The following ANKH variants were observed in gnomAD, a reference collection of about 807,000 sequenced individuals.
ANKH encodes the protein mineralization regulator ANKH.
A neutral mutation model predicts 49.0 loss-of-function variants in ANKH; 15 were observed. The observed-to-expected ratio is 0.31, with a 90% CI of 0.20 to 0.47. The LOEUF (loss-of-function observed/expected upper bound fraction) is 0.47. Ranked by LOEUF, ANKH falls within the 20% of genes least tolerant of loss-of-function variation. The pLI is 1.00. For missense variants in ANKH, 429 were observed against 652.0 expected (o/e 0.66, Z 3.72); for synonymous variants, 273 against 260.0 (o/e 1.05, Z -0.48).
At chr5:14,837,841 A>G (rs1354783222) in intron 1 of ANKH, among the ~76,000 whole-genome samples, 1 of 152,250 alleles carries the variant, frequency 6.6e-6, no homozygotes, top group Non-Finnish European at 1.5e-5. Flanking sequence ...TTACTGCGGC[A>G]CTATTCACAA....
intron 1 of ANKH, among the ~76,000 whole-genome samples, chr5:14,847,161 G>A (rs1741987642): frequency 6.6e-6 from 1 of 152,098 alleles, no homozygotes; most frequent in South Asian, 2.1e-4. Flanking sequence ...CACAGTGGCT[G>A]GTTAATGAGA....
At chr5:14,840,212 T>C (rs369069510) in intron 1 of ANKH, among the ~76,000 whole-genome samples, 31 of 152,218 alleles carry the variant, frequency 2.0e-4, no homozygotes, top group South Asian at 4.1e-4. Context: ...CCTCAACAAG[T>C]GAAGTGTCTG....
At chr5:14,762,789 A>G (rs1429720401) in intron 2 of ANKH, among the ~76,000 whole-genome samples, 3 of 152,240 alleles carry the variant, frequency 2.0e-5, no homozygotes, top group Non-Finnish European at 4.4e-5. Flanking sequence ...CATAATTACC[A>G]GGCTAGCTGC....
chr5:14,741,857 G>A lies in ANKH; in HGVS notation c.981C>T (p.Phe327=), dbSNP rs1481547045. The A allele has an allele frequency of 6.2e-7, 1 of 1,614,114 alleles. No homozygotes were observed. The highest frequency in any genetic ancestry group is 1.3e-5 in the African/African-American group (1 of 75,032). The stretch of plus-strand genomic sequence containing the variant: ...GTGACAGAGCCATGCAGACGAAGGT[G>A]AACTTCTTGATGTGGGCTGCCGTGA... ...NTVTAAHIKK[F]TFVCMALSLT... is the part of the protein sequence containing the mutation. The change falls in exon 8 of 12, where the codon TTC becomes TTT. Residue 327 remains phenylalanine (F), a synonymous_variant. Coordinates refer to ENST00000284268, the MANE Select transcript of ANKH (RefSeq NM_054027.6).
At chr5:14,796,130 G>A (rs754347815) in intron 1 of ANKH, among the ~76,000 whole-genome samples, 6 of 150,120 alleles carry the variant, frequency 4.0e-5, no homozygotes, top group Admixed American at 1.3e-4. Flanking sequence ...TTCAGACCTT[G>A]TTTTATTGAG....
rs139351002 is a variant in ANKH, at chr5:14,712,907, G to C, written c.1332C>G (p.Val444=). ...LAGFVGESTM[V]AIAACYVYRK... The stretch of plus-strand genomic sequence containing the variant: ...GGTAGACATAGCACGCAGCGATGGC[G>C]ACCATGGTGGATTCTCCCACAAAGC... Residue 444 remains valine, a synonymous_variant, in exon 11 of 12, where the codon GTC becomes GTG. Coordinates refer to ENST00000284268, the MANE Select transcript of ANKH (RefSeq NM_054027.6). 24 of 1,612,894 alleles carry C rather than the reference G, an allele frequency of 1.5e-5. No homozygotes were observed. In the East Asian group the frequency reaches 5.1e-4, roughly 34 times the overall value.
intron 1 of ANKH, among the ~76,000 whole-genome samples, chr5:14,791,712 CA>C (rs1740172522): frequency 6.6e-6 from 1 of 152,168 alleles, no homozygotes; most frequent in Non-Finnish European, 1.5e-5. Context: ...GCCAGTTTTG[CA>C]TTTTCAAAAG....
At chr5:14,805,318 G>A (rs1740671568) in intron 1 of ANKH, among the ~76,000 whole-genome samples, 1 of 151,288 alleles carries the variant, frequency 6.6e-6, no homozygotes, top group Non-Finnish European at 1.5e-5. Flanking sequence ...CTGGCAGATG[G>A]CCTATTGCAG....
rs182125899 is a variant in ANKH at position 14,745,586 on chromosome 5, A to C, written c.915+284T>G. On this transcript the variant is annotated intron_variant, in intron 7 of 11. Coordinates refer to ENST00000284268, the MANE Select transcript of ANKH (RefSeq NM_054027.6). This position sits in a 1 kb window ranked among gnomAD's most constrained non-coding sequence, Gnocchi z 4.7. ...CATAAATTGATTTTGGGGGAAGTTT[A>C]TTTTCCCTTTCGCAAACAAATCATT... Among the ~76,000 whole-genome samples, 63 of 152,332 alleles carry C rather than the reference A, an allele frequency of 4.1e-4. No individual in the cohort carries two copies. The Middle Eastern group carries it at 0.01, about 25-fold the overall frequency.
intron 8 of ANKH, among the ~76,000 whole-genome samples, chr5:14,734,482 G>A (rs982115677): frequency 1.3e-5 from 2 of 152,176 alleles, no homozygotes; most frequent in African/African-American, 4.8e-5. Flanking sequence ...TTTTATATTC[G>A]AGTACTATGT....
At chr5:14,811,241 T>TA (rs1479007959) in intron 1 of ANKH, among the ~76,000 whole-genome samples, 2 of 149,182 alleles carry the variant, frequency 1.3e-5, no homozygotes, top group East Asian at 3.9e-4. Flanking sequence ...TCATATTCCT[T>TA]ATTCATACAC....
intron 4 of ANKH, among the ~76,000 whole-genome samples, chr5:14,753,680 T>C (rs776724816): frequency 7.9e-5 from 12 of 152,170 alleles, no homozygotes; most frequent in Non-Finnish European, 1.0e-4. Flanking sequence ...TTGGCAATGA[T>C]TGACTGGAAC....
intron 8 of ANKH, among the ~76,000 whole-genome samples, chr5:14,727,386 AATC>A (rs1737854956): frequency 6.6e-6 from 1 of 151,930 alleles, no homozygotes; most frequent in Non-Finnish European, 1.5e-5. Context: ...ATGAAAACTA[AATC>A]ATCCCTTCTA....
intron 2 of ANKH, among the ~76,000 whole-genome samples, chr5:14,764,952 G>A (rs1266102930): frequency 3.9e-5 from 6 of 152,164 alleles, no homozygotes; most frequent in African/African-American, 7.2e-5. Context: ...CCACAGCAGC[G>A]GTTTCGACAT....
intron 8 of ANKH, among the ~76,000 whole-genome samples, chr5:14,740,640 C>G (rs559226666): frequency 1.3e-5 from 2 of 152,306 alleles, no homozygotes; most frequent in African/African-American, 4.8e-5. Flanking sequence ...GCCCTTGTGA[C>G]AATCTAATTA....
At chr5:14,797,137 C>T in intron 1 of ANKH, 1 of 1,350,352 alleles carries the variant, frequency 7.4e-7, no homozygotes, top group Non-Finnish European at 1.1e-6. Flanking sequence ...GACCCTTGTC[C>T]TTCTGGATCC....
intron 1 of ANKH, chr5:14,797,755 C>T: frequency 6.2e-7 from 1 of 1,610,958 alleles, no homozygotes; most frequent in Non-Finnish European, 8.5e-7. Flanking sequence ...GCATCTACCA[C>T]TTTTCCCTCC....
chr5:14,783,550 T>G (rs1739879033), intron 1 of ANKH, among the ~76,000 whole-genome samples: 2 of 152,182 alleles, frequency 1.3e-5, no homozygotes, highest in Admixed American at 1.3e-4. Context: ...TTAAGCTGTT[T>G]AGAACACAAT....
Position 14,769,137 on chromosome 5 carries a change from T to C in ANKH, c.151A>G (p.Ser51Gly). The C allele has an allele frequency of 6.2e-7, 1 of 1,614,128 alleles. No individual in the cohort carries two copies. The highest frequency in any genetic ancestry group is 1.1e-5 in the South Asian group (1 of 91,076). ...VKEDAVEMLA[S>G]YGLAYSLMKF... ...ATGAGGGAGTACGCCAGCCCGTAGC[T>C]GGCCAGCATCTCGACTGCATCCTCC... Residue 51 changes from serine to glycine, a missense_variant, in exon 2 of 12, where the codon AGC becomes GGC. Transcript: ENST00000284268.
Sources: gnomAD v4.1 joint callset for allele counts (sites outside exome capture counted in the v4.1 genomes callset) on GRCh38, gnomAD v4.1.1 for gene constraint, Gnocchi (gnomAD v3.1) non-coding constraint, MANE v1.5 for transcripts, NCBI Gene and HGNC (gene_info 2026-07-23, HGNC 2026-07-21) for gene names.